The following BCL2 variants were observed in gnomAD, a reference collection of about 807,000 sequenced individuals.
BCL2 encodes apoptosis regulator Bcl-2.
BCL2 carries 1 observed loss-of-function variant against 14.2 expected under a neutral mutation model. The ratio of observed to expected loss-of-function variants is 0.07; its 90% CI spans 0.02 to 0.33. BCL2 has a LOEUF of 0.33. Among genes scored for constraint, BCL2 ranks in the 10% least tolerant of loss-of-function variants. The pLI is 0.99. For missense variants in BCL2, 247 were observed against 305.9 expected, an observed-to-expected ratio of 0.81 and a Z score of 1.44; for synonymous variants, 151 against 137.2, an observed-to-expected ratio of 1.10 and a Z score of -0.70.
chr18:63,296,307 C>A (rs987733907), intron 2 of BCL2, among the ~76,000 whole-genome samples: 6 of 151,722 alleles, frequency 4.0e-5, no homozygotes, highest in Non-Finnish European at 5.9e-5. Flanking sequence ...TACTGAAGTC[C>A]TTTTTTTTGA....
At chr18:63,163,509 T>G (rs1234239439) in intron 2 of BCL2, among the ~76,000 whole-genome samples, 1 of 152,232 alleles carries the variant, frequency 6.6e-6, no homozygotes, top group Non-Finnish European at 1.5e-5. Context: ...ATTTTAATAT[T>G]GCCAAAAAGG....
At chr18:63,178,899 C>CAAAAAAAAAAAAA (rs111876869) in intron 2 of BCL2, among the ~76,000 whole-genome samples, 2 of 132,920 alleles carry the variant, frequency 1.5e-5, no homozygotes, top group Non-Finnish European at 3.2e-5. Flanking sequence ...GGGTTCAAGG[C>CAAAAAAAAAAAAA]AAAAAAAAAA....
chr18:63,133,965 T>C (rs71353379), intron 2 of BCL2, among the ~76,000 whole-genome samples: 16,574 of 152,148 alleles, frequency 0.11, 1,344 homozygotes, highest in East Asian at 0.37. Flanking sequence ...TCATACCCTA[T>C]AGTTATTGGC....
rs67959905 is a variant in BCL2, at chr18:63,148,661, G to GA, written c.586-19903dup. ...TGGCCTGCTGCCTGGAATGTAGTAG[G>GA]AAAAAAAAAAAAAGTTGTTAAATAA... is the stretch of plus-strand genomic sequence containing the variant. On this transcript the variant is annotated intron_variant, in intron 2 of 2. Transcript: ENST00000333681. Among the ~76,000 whole-genome samples the GA allele has an allele frequency of 5.9e-3, 840 of 141,444 alleles. 3 individuals are homozygous for GA. Among genetic ancestry groups the GA allele is most frequent in the Non-Finnish European group, 9.1e-3 (588 of 64,278 alleles). The allele number at this position is 141,444 out of a possible 152,430, so 92.8% of individuals were successfully genotyped here.
intron 2 of BCL2, among the ~76,000 whole-genome samples, chr18:63,272,522 A>G (rs1234270361): frequency 6.6e-6 from 1 of 152,200 alleles, no homozygotes; most frequent in Admixed American, 6.5e-5. Flanking sequence ...AAAAACAGAA[A>G]TGTTTTTTGT....
At chr18:63,201,050 G>C (rs1202161870) in intron 2 of BCL2, among the ~76,000 whole-genome samples, 2 of 152,172 alleles carry the variant, frequency 1.3e-5, no homozygotes, top group African/African-American at 2.4e-5. Context: ...CAATGTGCAG[G>C]CAGCATTACG....
intron 2 of BCL2, among the ~76,000 whole-genome samples, chr18:63,242,184 T>C (rs563087846): frequency 1.3e-5 from 2 of 152,282 alleles, no homozygotes; most frequent in Admixed American, 1.3e-4. Context: ...GACCAAGTAA[T>C]GGGATGAATT....
chr18:63,292,831 T>A (rs1412812006), intron 2 of BCL2, among the ~76,000 whole-genome samples: 1 of 152,094 alleles, frequency 6.6e-6, no homozygotes, highest in Non-Finnish European at 1.5e-5. Context: ...CACCACGCAT[T>A]AGGGAAGGAG....
In BCL2 at chr18:63,318,760, G is replaced by C; in HGVS notation, c.-94C>G. ...GAGAAAGAAGAGGAGTTATAATCCAGCTATTTTATTGGATGTGCTTTGCAT... is the reference window on the plus strand; with the variant it reads ...GAGAAAGAAGAGGAGTTATAATCCACCTATTTTATTGGATGTGCTTTGCAT... On this transcript the variant is annotated 5_prime_UTR_variant, in exon 2 of 3. Coordinates refer to ENST00000333681, the MANE Select transcript of BCL2 (RefSeq NM_000633.3). This position sits in a 1 kb window ranked among gnomAD's most constrained non-coding sequence, Gnocchi z 7.4. 1 of 1,551,672 alleles carries C rather than the reference G, an allele frequency of 6.4e-7. No homozygotes were observed. Among genetic ancestry groups the C allele is most frequent in the Non-Finnish European group, 8.7e-7 (1 of 1,151,590 alleles).
intron 2 of BCL2, among the ~76,000 whole-genome samples, chr18:63,173,798 T>C (rs1915286199): frequency 6.6e-6 from 1 of 152,226 alleles, no homozygotes; most frequent in South Asian, 2.1e-4. Flanking sequence ...TATCATTTGG[T>C]ATATTCTAGA....
intron 2 of BCL2, among the ~76,000 whole-genome samples, chr18:63,296,930 C>T (rs1027946698): frequency 3.3e-5 from 5 of 152,112 alleles, no homozygotes; most frequent in Admixed American, 6.5e-5. Flanking sequence ...TAATGGGAAC[C>T]GGCCCCGCAC....
chr18:63,232,888 T>C lies in BCL2; in HGVS notation c.585+85194A>G, dbSNP rs930288715. ...CAGTTAGGGAGTGGATATATTATGATATATTTATAGAAAGAAATTGGTTTA... is the reference window on the plus strand; with the variant it reads ...CAGTTAGGGAGTGGATATATTATGACATATTTATAGAAAGAAATTGGTTTA... On this transcript the variant is annotated intron_variant, in intron 2 of 2. Transcript: ENST00000333681. 3.9e-5 allele frequency among the ~76,000 whole-genome samples: 6 copies of C among 152,340 alleles called. No individual in the cohort carries two copies. In the South Asian group the frequency reaches 1.0e-3, roughly 26 times the overall value.
At chr18:63,221,794 A>T (rs772084627) in intron 2 of BCL2, among the ~76,000 whole-genome samples, 2 of 152,168 alleles carry the variant, frequency 1.3e-5, no homozygotes. Flanking sequence ...GGAAATCAGA[A>T]CCTTAAGCAT....
chr18:63,271,537 T>C (rs1167099948), intron 2 of BCL2, among the ~76,000 whole-genome samples: 1 of 152,206 alleles, frequency 6.6e-6, no homozygotes, highest in South Asian at 2.1e-4. Flanking sequence ...ATGGATGAAC[T>C]CGCCGATTCA....
At chr18:63,273,458 C>T (rs1234182743) in intron 2 of BCL2, among the ~76,000 whole-genome samples, 1 of 152,184 alleles carries the variant, frequency 6.6e-6, no homozygotes, top group Non-Finnish European at 1.5e-5. Context: ...ACAATTTACA[C>T]TTACCAGCTG....
At chr18:63,276,386 T>C (rs868237808) in intron 2 of BCL2, among the ~76,000 whole-genome samples, 1 of 152,176 alleles carries the variant, frequency 6.6e-6, no homozygotes, top group Non-Finnish European at 1.5e-5. Context: ...GTTCTGGTAG[T>C]CACAGGACAA....
intron 2 of BCL2, among the ~76,000 whole-genome samples, chr18:63,269,125 A>T (rs553312477): frequency 5.9e-5 from 9 of 151,820 alleles, no homozygotes; most frequent in South Asian, 4.2e-4. Flanking sequence ...GTAATTTTTT[A>T]AAAAATTCTA....
intron 2 of BCL2, among the ~76,000 whole-genome samples, chr18:63,157,073 T>G (rs1334707155): frequency 6.6e-6 from 1 of 152,210 alleles, no homozygotes; most frequent in Non-Finnish European, 1.5e-5. Flanking sequence ...AACAATTAAG[T>G]TAATTGTGGG....
chr18:63,318,446 G>T lies in BCL2; in HGVS notation c.221C>A (p.Thr74Asn). The change falls in exon 2 of 3, where the codon ACC (threonine) becomes AAC (asparagine). Residue 74 changes from threonine to asparagine, a missense_variant. This residue lies in a region of BCL2 where 144 missense variants were observed against 135.3 expected (regional missense o/e 1.06). Coordinates refer to ENST00000333681, the MANE Select transcript of BCL2 (RefSeq NM_000633.3). The surrounding 1 kb of genome is among the most constrained non-coding windows in gnomAD (Gnocchi z 7.4). ...DPVARTSPLQ[T>N]PAAPGAAAGP... is the part of the protein sequence containing the mutation. ...CGCGGCGGCGCCGGGGGCAGCCGGG[G>T]TCTGCAGCGGCGAGGTCCTGGCGAC... is the stretch of plus-strand genomic sequence containing the variant. 1 of 1,473,102 alleles carries T rather than the reference G, an allele frequency of 6.8e-7. No individual in the cohort carries two copies. The highest frequency in any genetic ancestry group is 2.5e-5 in the East Asian group (1 of 39,226). The allele number at this position is 1,473,102 out of a possible 1,614,324, so 91.3% of individuals were successfully genotyped here.
Sources: gnomAD v4.1 joint callset for allele counts (sites outside exome capture counted in the v4.1 genomes callset) on GRCh38, gnomAD v4.1.1 for gene constraint, gnomAD v4.1.1 regional missense constraint, Gnocchi (gnomAD v3.1) non-coding constraint, MANE v1.5 for transcripts, NCBI Gene and HGNC (gene_info 2026-07-23, HGNC 2026-07-21) for gene names.